Variants in OSBPL9 observed in about 807,000 individuals in gnomAD.
OSBPL9 encodes oxysterol binding protein like 9.
A neutral mutation model predicts 106.6 loss-of-function variants in OSBPL9; 40 were observed. The ratio of observed to expected loss-of-function variants is 0.38; its 90% confidence interval spans 0.29 to 0.49. The LOEUF (loss-of-function observed/expected upper bound fraction) is 0.49, where lower values mean the gene tolerates loss of function less well. Ranked by LOEUF, OSBPL9 falls within the 20% of genes least tolerant of loss-of-function variation. The probability of loss-of-function intolerance (pLI) is 0.97; values close to 1 mark genes in which losing one functional copy is unlikely to be tolerated. For missense variants in OSBPL9, 609 were observed against 887.2 expected (o/e 0.69, Z 3.98); for synonymous variants, 269 against 295.4 (o/e 0.91, Z 0.92).
chr1:51,580,345 A>T (rs985989370), intron 1 of OSBPL9, among the ~76,000 whole-genome samples: 1 of 152,264 alleles, frequency 6.6e-6, no homozygotes, highest in Non-Finnish European at 1.5e-5. Flanking sequence ...TTCTGTGCAG[A>T]TAGTAGGTGC....
At chr1:51,736,365 A>G (rs1396639601) in intron 4 of OSBPL9, among the ~76,000 whole-genome samples, 2 of 152,154 alleles carry the variant, frequency 1.3e-5, no homozygotes, top group African/African-American at 4.8e-5. Flanking sequence ...TAAATGTCAG[A>G]ACAATTGTTG....
At chr1:51,724,747 T>C (rs1043050418) in intron 4 of OSBPL9, 15 of 107,674 alleles carry the variant, frequency 1.4e-4, no homozygotes, top group Non-Finnish European at 2.5e-4. Flanking sequence ...GCTGTCAGGG[T>C]TTTTTGCTTG....
Position 51,788,113 on chromosome 1 carries a change from T to C in OSBPL9, c.*324T>C, listed in dbSNP as rs1436034421. ...GAAACTCTGCGCTCTAGTACTGCTG[T>C]TAAGATACACAACTTGTTTCTTAGT... On this transcript the variant is annotated 3_prime_UTR_variant, in exon 24 of 24. Transcript: ENST00000428468. The C allele has an allele frequency of 6.5e-6, 2 of 307,534 alleles. No homozygotes were observed. Among genetic ancestry groups the C allele is most frequent in the Non-Finnish European group, 1.2e-5 (2 of 163,272 alleles). The allele number at this position is 307,534 out of a possible 1,614,324, so 19.1% of individuals were successfully genotyped here.
chr1:51,688,076 CA>C (rs1398304671), intron 3 of OSBPL9, among the ~76,000 whole-genome samples: 1 of 152,062 alleles, frequency 6.6e-6, no homozygotes, highest in African/African-American at 2.4e-5. Flanking sequence ...GACGCTTGAC[CA>C]TGTTCTCTCT....
chr1:51,598,048 T>C (rs1405315045), intron 1 of OSBPL9: 1 of 152,256 alleles, frequency 6.6e-6, no homozygotes, highest in Non-Finnish European at 1.5e-5. Flanking sequence ...GTACCAGATA[T>C]TGTGAAATGA....
upstream of OSBPL9, chr1:51,616,936 TAC>T: frequency 7.8e-7 from 1 of 1,281,820 alleles, no homozygotes; most frequent in Non-Finnish European, 1.0e-6. Flanking sequence ...CATGGAGTCC[TAC>T]ACACAATAGG....
intron 12 of OSBPL9, among the ~76,000 whole-genome samples, chr1:51,767,691 G>C (rs1672863311): frequency 6.6e-6 from 1 of 152,126 alleles, no homozygotes. Flanking sequence ...AAGAAGGCCA[G>C]TGTAGCAGAA....
At chr1:51,603,223 T>C (rs995663580) in intron 2 of OSBPL9, among the ~76,000 whole-genome samples, 1 of 152,234 alleles carries the variant, frequency 6.6e-6, no homozygotes, top group African/African-American at 2.4e-5. Context: ...CACTTAAGTA[T>C]GAATAAGCAT....
At chr1:51,721,065 C>G (rs1481862084) in intron 4 of OSBPL9, among the ~76,000 whole-genome samples, 1 of 151,886 alleles carries the variant, frequency 6.6e-6, no homozygotes, top group Non-Finnish European at 1.5e-5. Context: ...TCCCAAAGTG[C>G]TGGGATTAGA....
In OSBPL9 at chr1:51,648,094, T is replaced by C. The variant is rs115284572; in HGVS notation, c.112-3897T>C. ...CAGTTACTGGGCTGTAGACCACATA[T>C]CTATTTGTGCCAATTTGCTTGAAAA... is the stretch of plus-strand genomic sequence containing the variant. On this transcript the variant is annotated intron_variant, in intron 1 of 23. Coordinates refer to ENST00000428468, the MANE Select transcript of OSBPL9 (RefSeq NM_024586.6). Among the ~76,000 whole-genome samples the C allele has an allele frequency of 3.6e-3, 554 of 152,278 alleles. 4 individuals are homozygous for C. Among genetic ancestry groups the C allele is most frequent in the African/African-American group, 0.012 (509 of 41,544 alleles).
At chr1:51,755,238 G>A (rs1197805549) in intron 8 of OSBPL9, among the ~76,000 whole-genome samples, 7 of 151,930 alleles carry the variant, frequency 4.6e-5, no homozygotes, top group Admixed American at 6.6e-5. Context: ...TAGGGTAGAC[G>A]GCCAATAAAG....
chr1:51,610,139 T>G (rs889480644), intron 2 of OSBPL9, among the ~76,000 whole-genome samples: 1 of 152,222 alleles, frequency 6.6e-6, no homozygotes, highest in East Asian at 1.9e-4. Context: ...CTACCTGAAT[T>G]AGAATGTGTA....
chr1:51,733,132 CTCATA>C (rs1272009180), intron 4 of OSBPL9, among the ~76,000 whole-genome samples: 1 of 152,176 alleles, frequency 6.6e-6, no homozygotes, highest in Non-Finnish European at 1.5e-5. Context: ...CAGCACTTTG[CTCATA>C]TCTCCATATC....
In OSBPL9 at chr1:51,765,267, C is replaced by A. The variant is rs941662955; in HGVS notation, c.779-555C>A. On this transcript the variant is annotated intron_variant, in intron 11 of 23. Transcript: ENST00000428468. ...TCATCGTAGTCCTCTATTTTTATCT[C>A]CACCTCTGAGCCCCTGACTTAGGTG... is the stretch of plus-strand genomic sequence containing the variant. Among the ~76,000 whole-genome samples the A allele has an allele frequency of 2.6e-5, 4 of 152,256 alleles. No individual in the cohort carries two copies. The East Asian group carries it at 7.7e-4, about 29-fold the overall frequency.
chr1:51,606,040 A>G (rs755967512), intron 2 of OSBPL9, among the ~76,000 whole-genome samples: 1 of 152,124 alleles, frequency 6.6e-6, no homozygotes, highest in Non-Finnish European at 1.5e-5. Context: ...AAGAAAGGAA[A>G]GAAAGAAAGA....
At chr1:51,762,947 T>G (rs1169176659) in intron 11 of OSBPL9, among the ~76,000 whole-genome samples, 1 of 152,216 alleles carries the variant, frequency 6.6e-6, no homozygotes, top group African/African-American at 2.4e-5. Flanking sequence ...TTTGCCAGTT[T>G]TATAGTTAGA....
chr1:51,660,149 T>C (rs536762409), intron 2 of OSBPL9, among the ~76,000 whole-genome samples: 1 of 152,168 alleles, frequency 6.6e-6, no homozygotes, highest in African/African-American at 2.4e-5. Flanking sequence ...AGAAGATTAC[T>C]CTTTACCCCA....
chr1:51,728,254 G>A (rs1402517363), intron 4 of OSBPL9, among the ~76,000 whole-genome samples: 1 of 152,186 alleles, frequency 6.6e-6, no homozygotes, highest in Non-Finnish European at 1.5e-5. Context: ...GGCAATGAAG[G>A]GGTAATAAAA....
chr1:51,778,278 G>A (rs183750696), intron 15 of OSBPL9, among the ~76,000 whole-genome samples: 336 of 152,254 alleles, frequency 2.2e-3, no homozygotes, highest in Non-Finnish European at 3.7e-3. Flanking sequence ...AACAAAGGGG[G>A]CATGTAGAAA....
Sources: allele counts gnomAD v4.1 joint callset (sites outside exome capture counted in the v4.1 genomes callset), GRCh38; gene constraint gnomAD v4.1.1; transcripts MANE v1.5; gene names NCBI Gene and HGNC (gene_info 2026-07-23, HGNC 2026-07-21).